Variants in CHODL observed in about 807,000 individuals in gnomAD.
The protein encoded by CHODL is chondrolectin.
Under a neutral mutation model 34.5 loss-of-function variants are expected in CHODL, and 29 were observed. The observed-to-expected ratio is 0.84, with a 90% CI of 0.63 to 1.15. The LOEUF (loss-of-function observed/expected upper bound fraction) is 1.15, where lower values mean the gene tolerates loss of function less well. Among genes scored for constraint, CHODL ranks in the 50% most tolerant of loss-of-function variants. CHODL has a pLI of 0.00. For missense variants in CHODL, 332 were observed against 332.5 expected (o/e 1.00, Z 0.01); for synonymous variants, 125 against 116.1 (o/e 1.08, Z -0.49).
chr21:17,934,120 A>G (rs942183992), intron 1 of CHODL, among the ~76,000 whole-genome samples: 5 of 151,892 alleles, frequency 3.3e-5, no homozygotes, highest in Non-Finnish European at 4.4e-5. Flanking sequence ...AAAATTACCT[A>G]TTGGATACAA....
At chr21:17,998,365 C>A (rs1175184322) in intron 1 of CHODL, among the ~76,000 whole-genome samples, 1 of 152,106 alleles carries the variant, frequency 6.6e-6, no homozygotes, top group Non-Finnish European at 1.5e-5. Flanking sequence ...GTGGCTTTTC[C>A]AGGTGTATGG....
In CHODL at chr21:18,266,752, T is replaced by C. The variant is rs2074467456; in HGVS notation, c.*714T>C. 2 of 152,754 alleles carry C rather than the reference T, an allele frequency of 1.3e-5. No individual in the cohort carries two copies. Among genetic ancestry groups the C allele is most frequent in the South Asian group, 2.1e-4 (1 of 4,836 alleles). 9.5% of individuals were successfully genotyped at this position (152,754 alleles called of 1,614,324 possible). The stretch of plus-strand genomic sequence containing the variant: ...TCTAATTTCAATTGTGCAAGACATG[T>C]GCCTTATAATTATTTTTAGCTTAAA... On this transcript the variant is annotated 3_prime_UTR_variant, in exon 6 of 6. Coordinates refer to ENST00000299295, the MANE Select transcript of CHODL (RefSeq NM_024944.3).
intron 2 of CHODL, among the ~76,000 whole-genome samples, chr21:18,109,542 G>A (rs1021427338): frequency 1.3e-5 from 2 of 152,064 alleles, no homozygotes; most frequent in African/African-American, 4.8e-5. Flanking sequence ...TGTTTTGGGG[G>A]TACTTAATTT....
intron 2 of CHODL, among the ~76,000 whole-genome samples, chr21:18,141,457 T>C (rs2072801585): frequency 6.6e-6 from 1 of 151,942 alleles, no homozygotes; most frequent in Non-Finnish European, 1.5e-5. Flanking sequence ...ATTCTGAGTG[T>C]CCAAATCTTA....
At chr21:18,093,642 A>G (rs1416283071) in intron 2 of CHODL, among the ~76,000 whole-genome samples, 1 of 152,214 alleles carries the variant, frequency 6.6e-6, no homozygotes, top group Non-Finnish European at 1.5e-5. Flanking sequence ...TGTTTATGCA[A>G]TCAGTGTTAA....
rs60061244 is a variant in CHODL at position 18,261,897 on chromosome 21, C to T, written c.635-894C>T. Among the ~76,000 whole-genome samples the T allele has an allele frequency of 5.3e-3, 812 of 152,060 alleles. 10 individuals are homozygous for T. The highest frequency in any genetic ancestry group is 0.019 in the African/African-American group (768 of 41,470). ...CCGCTGGAGTCTCGTGTCTCTGAGT[C>T]GTGACTGTATCATCAGTTAATATTT... is the stretch of plus-strand genomic sequence containing the variant. On this transcript the variant is annotated intron_variant, in intron 4 of 5. Transcript: ENST00000299295.
At chr21:18,147,386 T>C (rs538846649) in intron 2 of CHODL, among the ~76,000 whole-genome samples, 1 of 152,324 alleles carries the variant, frequency 6.6e-6, no homozygotes, top group East Asian at 1.9e-4. Flanking sequence ...CTTCCTGTTC[T>C]TTGGTTCTTC....
At chr21:18,247,497 A>T (rs2074155747) in intron 1 of CHODL, among the ~76,000 whole-genome samples, 1 of 152,160 alleles carries the variant, frequency 6.6e-6, no homozygotes, top group Non-Finnish European at 1.5e-5. Flanking sequence ...TTTTAAATAC[A>T]TCACCTTTTC....
intron 2 of CHODL, among the ~76,000 whole-genome samples, chr21:18,037,328 G>C (rs1366141279): frequency 6.6e-6 from 1 of 151,884 alleles, no homozygotes; most frequent in Non-Finnish European, 1.5e-5. Context: ...TTCTTATTTT[G>C]TTAGTAGGAG....
intron 2 of CHODL, among the ~76,000 whole-genome samples, chr21:18,239,181 T>C (rs2074057725): frequency 6.6e-6 from 1 of 152,138 alleles, no homozygotes; most frequent in Non-Finnish European, 1.5e-5. Context: ...ATGTATACCT[T>C]ATTGCAGATA....
At chr21:18,220,207 C>T (rs545565926) in intron 2 of CHODL, among the ~76,000 whole-genome samples, 15 of 152,194 alleles carry the variant, frequency 9.9e-5, no homozygotes, top group African/African-American at 3.1e-4. Context: ...CACTTGCAGT[C>T]TATGTGTGTC....
chr21:17,930,937 G>A (rs2063267451), intron 1 of CHODL, among the ~76,000 whole-genome samples: 1 of 152,216 alleles, frequency 6.6e-6, no homozygotes, highest in Non-Finnish European at 1.5e-5. Flanking sequence ...CGGGACAGGT[G>A]TTTTCCCTGG....
intron 2 of CHODL, among the ~76,000 whole-genome samples, chr21:18,192,190 T>C (rs1202338655): frequency 6.6e-6 from 1 of 152,170 alleles, no homozygotes; most frequent in Non-Finnish European, 1.5e-5. Context: ...AACTTGACTT[T>C]AAGAGAAGGA....
chr21:18,205,107 G>C (rs1483628836), intron 2 of CHODL, among the ~76,000 whole-genome samples: 1 of 152,124 alleles, frequency 6.6e-6, no homozygotes, highest in African/African-American at 2.4e-5. Flanking sequence ...GCTCTAGCTA[G>C]GACTTCCAGT....
At chr21:17,947,964 C>T (rs1264339492) in intron 1 of CHODL, among the ~76,000 whole-genome samples, 1 of 152,104 alleles carries the variant, frequency 6.6e-6, no homozygotes, top group African/African-American at 2.4e-5. Flanking sequence ...TGGAATACTA[C>T]TTAGCCATAA....
chr21:17,957,180 G>C (rs1899927091), intron 1 of CHODL, among the ~76,000 whole-genome samples: 1 of 152,016 alleles, frequency 6.6e-6, no homozygotes, highest in South Asian at 2.1e-4. Flanking sequence ...TATCAACTGT[G>C]CCTCTTAGAT....
chr21:18,095,667 A>G (rs2065131308), intron 2 of CHODL, among the ~76,000 whole-genome samples: 1 of 152,224 alleles, frequency 6.6e-6, no homozygotes, highest in Non-Finnish European at 1.5e-5. Flanking sequence ...GGCCAGTATT[A>G]TCCTAATACC....
intron 2 of CHODL, among the ~76,000 whole-genome samples, chr21:18,179,585 G>C (rs924747825): frequency 2.0e-5 from 3 of 152,074 alleles, no homozygotes; most frequent in Non-Finnish European, 2.9e-5. Context: ...AAATCAAGAG[G>C]CCTTCACTTT....
At chr21:18,113,273 C>A (rs143220180) in intron 2 of CHODL, among the ~76,000 whole-genome samples, 1 of 152,066 alleles carries the variant, frequency 6.6e-6, no homozygotes, top group East Asian at 1.9e-4. Context: ...GGCGAGGATG[C>A]GGAGAAAAGT....
Sources: gnomAD v4.1 joint callset for allele counts (sites outside exome capture counted in the v4.1 genomes callset) on GRCh38, gnomAD v4.1.1 for gene constraint, MANE v1.5 for transcripts, NCBI Gene and HGNC (gene_info 2026-07-23, HGNC 2026-07-21) for gene names.